The following CCNY variants were observed in gnomAD, a reference collection of about 807,000 sequenced individuals.
The protein encoded by CCNY is cyclin Y.
Under a neutral mutation model 42.8 loss-of-function variants are expected in CCNY, and 19 were observed. The observed-to-expected ratio is 0.44, with a 90% CI of 0.31 to 0.65. The LOEUF is 0.65. Among genes scored for constraint, CCNY ranks in the 30% least tolerant of loss-of-function variants. The pLI, the probability that CCNY is intolerant of heterozygous loss-of-function variation, is 0.07. For synonymous variants in CCNY, 165 were observed against 162.7 expected (o/e 1.01, Z -0.11); for missense variants, 370 against 437.3 (o/e 0.85, Z 1.37).
chr10:35,506,095 A>G (rs561986922), intron 3 of CCNY, among the ~76,000 whole-genome samples: 7 of 152,350 alleles, frequency 4.6e-5, no homozygotes, highest in African/African-American at 1.4e-4. Flanking sequence ...TGCCTCTGGA[A>G]TAGAATGAGA....
At chr10:35,329,700 A>T (rs1394874688) in intron 3 of CCNY, among the ~76,000 whole-genome samples, 1 of 152,172 alleles carries the variant, frequency 6.6e-6, no homozygotes, top group Non-Finnish European at 1.5e-5. Flanking sequence ...TGGTGCTCAG[A>T]GGGACGAGGT....
chr10:35,291,882 A>G (rs1156935332), intron 3 of CCNY, among the ~76,000 whole-genome samples: 1 of 152,182 alleles, frequency 6.6e-6, no homozygotes, highest in East Asian at 1.9e-4. Context: ...TCTTGGGCAT[A>G]TATCTAGGAA....
At chr10:35,324,286 C>T (rs1169018047) in intron 3 of CCNY, among the ~76,000 whole-genome samples, 2 of 152,178 alleles carry the variant, frequency 1.3e-5, no homozygotes, top group African/African-American at 4.8e-5. Flanking sequence ...GTCTCTTACT[C>T]CTCTGCCAAT....
intron 2 of CCNY, among the ~76,000 whole-genome samples, chr10:35,250,110 C>T (rs2095710838): frequency 6.7e-6 from 1 of 149,140 alleles, no homozygotes; most frequent in Non-Finnish European, 1.5e-5. Flanking sequence ...AGGAGAGTGG[C>T]GTGAACCCGG....
At chr10:35,475,006 G>A (rs1839475225) in intron 1 of CCNY, among the ~76,000 whole-genome samples, 2 of 152,182 alleles carry the variant, frequency 1.3e-5, no homozygotes, top group Admixed American at 6.5e-5. Context: ...GAATGCAGAA[G>A]CCTCAGGAGC....
chr10:35,366,352 T>C (rs1451542997), intron 1 of CCNY, among the ~76,000 whole-genome samples: 1 of 152,242 alleles, frequency 6.6e-6, no homozygotes, highest in Admixed American at 6.5e-5. Flanking sequence ...CTGAGTTGAA[T>C]CTAAATTTAA....
chr10:35,561,425 CA>C (rs994949261), intron 8 of CCNY, among the ~76,000 whole-genome samples: 56 of 152,310 alleles, frequency 3.7e-4, no homozygotes, highest in Admixed American at 2.7e-3. Context: ...TTTATTTTTA[CA>C]AAACTGGGCC....
chr10:35,392,580 A>T (rs1837437416), intron 1 of CCNY, among the ~76,000 whole-genome samples: 2 of 152,218 alleles, frequency 1.3e-5, no homozygotes. Context: ...AGATGGCCAG[A>T]TGGCACTGAG....
chr10:35,253,414 A>AATTT lies in CCNY; in HGVS notation c.-9+2788_-9+2789insATTT, dbSNP rs775450185. Among the ~76,000 whole-genome samples the AATTT allele has an allele frequency of 2.0e-3, 174 of 89,020 alleles. 21 individuals are homozygous for AATTT. Among genetic ancestry groups the AATTT allele is most frequent in the African/African-American group, 5.0e-3 (105 of 21,178 alleles). The allele number at this position is 89,020 out of a possible 152,430, so 58.4% of individuals were successfully genotyped here. ...ACAGGCATGCACCAGCATGCTCACT[A>AATTT]TTTTTTTTTTTTTTTTTTTTTTTTT... On this transcript the variant is annotated intron_variant, in intron 3 of 11. Coordinates refer to the CCNY transcript ENST00000374706.
chr10:35,559,501 C>G (rs149662237), intron 8 of CCNY, among the ~76,000 whole-genome samples: 67 of 152,338 alleles, frequency 4.4e-4, no homozygotes, highest in African/African-American at 1.6e-3. Context: ...TAATCTCAGT[C>G]TATCCATATG....
intron 2 of CCNY, chr10:35,250,500 A>T (rs1417548894): frequency 6.6e-6 from 1 of 152,280 alleles, no homozygotes. Flanking sequence ...CTATAAATAC[A>T]TATCCCTGGG....
chr10:35,292,406 C>A (rs1037720235), intron 3 of CCNY, among the ~76,000 whole-genome samples: 7 of 152,102 alleles, frequency 4.6e-5, no homozygotes, highest in African/African-American at 1.7e-4. Context: ...TCTTGTCGCC[C>A]AGGCTGGAGT....
At chr10:35,250,785 A>T (rs1187516628) in intron 3 of CCNY, among the ~76,000 whole-genome samples, 1 of 152,196 alleles carries the variant, frequency 6.6e-6, no homozygotes, top group African/African-American at 2.4e-5. Flanking sequence ...CTTTTCAGTA[A>T]ATGAAAATAC....
chr10:35,388,071 C>G (rs1423964316), intron 1 of CCNY, among the ~76,000 whole-genome samples: 4 of 152,156 alleles, frequency 2.6e-5, no homozygotes, highest in Non-Finnish European at 5.9e-5. Context: ...AGAATGTGGC[C>G]TGACAGGTAA....
At chr10:35,307,140 A>G (rs149151652) in intron 3 of CCNY, among the ~76,000 whole-genome samples, 1 of 152,310 alleles carries the variant, frequency 6.6e-6, no homozygotes, top group East Asian at 1.9e-4. Context: ...TTCCTGATTC[A>G]TAACTCAGGG....
intron 1 of CCNY, among the ~76,000 whole-genome samples, chr10:35,348,590 G>C (rs919068193): frequency 3.3e-5 from 5 of 152,244 alleles, no homozygotes; most frequent in African/African-American, 1.2e-4. Context: ...CAGAGAATAT[G>C]AGCAGGAGCC....
intron 3 of CCNY, among the ~76,000 whole-genome samples, chr10:35,294,196 T>G (rs1332003326): frequency 2.6e-5 from 4 of 152,246 alleles, no homozygotes; most frequent in African/African-American, 9.6e-5. Flanking sequence ...AGATACAAGA[T>G]CATTGCATTT....
At chr10:35,523,351 T>TG (rs1368170902) in intron 4 of CCNY, among the ~76,000 whole-genome samples, 2 of 152,178 alleles carry the variant, frequency 1.3e-5, no homozygotes, top group African/African-American at 4.8e-5. Context: ...GATGCGTTTT[T>TG]GGGGTGATTC....
chr10:35,373,562 T>C (rs533839191), intron 1 of CCNY, among the ~76,000 whole-genome samples: 1 of 152,320 alleles, frequency 6.6e-6, no homozygotes, highest in African/African-American at 2.4e-5. Flanking sequence ...GATTTTCTTA[T>C]GCCTCTGCTC....
Sources: allele counts gnomAD v4.1 joint callset (sites outside exome capture counted in the v4.1 genomes callset), GRCh38; gene constraint gnomAD v4.1.1; transcripts MANE v1.5; gene names NCBI Gene and HGNC (gene_info 2026-07-23, HGNC 2026-07-21).